The following ARHGEF7 variants were observed in gnomAD, a reference collection of about 807,000 sequenced individuals.
The protein encoded by ARHGEF7 is Rho guanine nucleotide exchange factor 7, also known as PAK-interacting exchange factor beta.
Under a neutral mutation model 109.8 loss-of-function variants are expected in ARHGEF7, and 33 were observed. The observed-to-expected ratio is 0.30, with a 90% CI of 0.23 to 0.40. The LOEUF is 0.40. Ranked by LOEUF, ARHGEF7 falls within the 10% of genes least tolerant of loss-of-function variation. ARHGEF7 has a pLI of 1.00. For synonymous variants in ARHGEF7, 458 were observed against 424.6 expected (o/e 1.08, Z -0.97); for missense variants, 938 against 1,098.5 (o/e 0.85, Z 2.07).
At position 111,273,766 on chromosome 13, in the gene ARHGEF7, G is replaced by C. The variant is rs1567036990; in HGVS notation, c.1074-48G>C. 6.2e-7 allele frequency: 1 copy of C among 1,607,286 alleles called. No homozygotes were observed. Among genetic ancestry groups the C allele is most frequent in the Admixed American group, 1.7e-5 (1 of 59,904 alleles). On this transcript the variant is annotated intron_variant, in intron 9 of 21. Coordinates refer to ENST00000646102, the MANE Select transcript of ARHGEF7 (RefSeq NM_001354046.2). The surrounding 1 kb of genome is among the most constrained non-coding windows in gnomAD (Gnocchi z 4.5). The stretch of plus-strand genomic sequence containing the variant: ...TCATGGAGATGAGAGAGCCACCATT[G>C]TCTCTCATTGCTAACCACGAGTGTC...
At chr13:111,229,604 C>T (rs553836794) in intron 5 of ARHGEF7, among the ~76,000 whole-genome samples, 1 of 152,278 alleles carries the variant, frequency 6.6e-6, no homozygotes, top group Admixed American at 6.5e-5. Flanking sequence ...CCTTTATATG[C>T]CACATCCACT....
chr13:111,271,734 G>A (rs538296104), intron 9 of ARHGEF7, among the ~76,000 whole-genome samples: 6 of 152,322 alleles, frequency 3.9e-5, no homozygotes, highest in African/African-American at 1.2e-4. Context: ...GCATCAACAC[G>A]ATGGGCAGCC....
intron 19 of ARHGEF7, among the ~76,000 whole-genome samples, chr13:111,299,836 A>T (rs2093521974): frequency 6.6e-6 from 1 of 152,190 alleles, no homozygotes; most frequent in Non-Finnish European, 1.5e-5. Flanking sequence ...TGTCTCCAAC[A>T]TGAGTGTCCC....
At chr13:111,251,142 A>G (rs944112888) in intron 8 of ARHGEF7, among the ~76,000 whole-genome samples, 1 of 152,162 alleles carries the variant, frequency 6.6e-6, no homozygotes, top group African/African-American at 2.4e-5. Flanking sequence ...CTAGGGGCCG[A>G]CCCAGAGTTA....
chr13:111,214,569 G>C (rs1328403964), intron 4 of ARHGEF7, among the ~76,000 whole-genome samples: 2 of 152,226 alleles, frequency 1.3e-5, no homozygotes, highest in African/African-American at 4.8e-5. Context: ...AAGAGAACTT[G>C]ACATAGCACA....
At chr13:111,132,108 A>G (rs1327489555) in intron 1 of ARHGEF7, among the ~76,000 whole-genome samples, 1 of 152,236 alleles carries the variant, frequency 6.6e-6, no homozygotes, top group African/African-American at 2.4e-5. Flanking sequence ...AGTGAGGGTC[A>G]GCGTGTTTTT....
In ARHGEF7 at chr13:111,239,837, C is replaced by G. The variant is rs1230935318; in HGVS notation, c.760-4035C>G. Among the ~76,000 whole-genome samples the G allele has an allele frequency of 6.6e-6, 1 of 152,070 alleles. No homozygotes were observed. Among genetic ancestry groups the G allele is most frequent in the Non-Finnish European group, 1.5e-5 (1 of 68,022 alleles). Reference sequence around the variant, plus strand: ...CAGGTAGGCACTAGTGGAATGCTGACACGGAGAGGAGCTCAGTGTTTGGGA... The same window carrying G: ...CAGGTAGGCACTAGTGGAATGCTGAGACGGAGAGGAGCTCAGTGTTTGGGA... On this transcript the variant is annotated intron_variant, in intron 6 of 21. Transcript: ENST00000646102. The surrounding 1 kb of genome is among the most constrained non-coding windows in gnomAD (Gnocchi z 4.3).
intron 2 of ARHGEF7, among the ~76,000 whole-genome samples, chr13:111,174,629 A>G: frequency 6.6e-6 from 1 of 152,138 alleles, no homozygotes; most frequent in East Asian, 1.9e-4. Context: ...TTTTGAGTTC[A>G]TTGTCTTGCC....
intron 16 of ARHGEF7, among the ~76,000 whole-genome samples, chr13:111,285,502 G>A (rs529973956): frequency 5.9e-4 from 90 of 152,208 alleles, no homozygotes; most frequent in African/African-American, 2.0e-3. Flanking sequence ...CGTCTTCTGT[G>A]CTTGTTTGAA....
intron 5 of ARHGEF7, among the ~76,000 whole-genome samples, chr13:111,221,771 G>T (rs1423302070): frequency 6.7e-6 from 1 of 150,362 alleles, no homozygotes; most frequent in Non-Finnish European, 1.5e-5. Context: ...TATTACTTCT[G>T]TCCCTCTAAA....
intron 2 of ARHGEF7, among the ~76,000 whole-genome samples, chr13:111,178,888 G>A (rs1301143979): frequency 6.6e-6 from 1 of 152,218 alleles, no homozygotes; most frequent in Non-Finnish European, 1.5e-5. Flanking sequence ...CAGATGATGA[G>A]TGAAATGCTT....
In ARHGEF7 at chr13:111,228,422, C is replaced by T. The variant is rs2085518507; in HGVS notation, c.671-4783C>T. Among the ~76,000 whole-genome samples, 1 of 152,132 alleles carries T rather than the reference C, an allele frequency of 6.6e-6. No individual in the cohort carries two copies. Among genetic ancestry groups the T allele is most frequent in the South Asian group, 2.1e-4 (1 of 4,826 alleles). On this transcript the variant is annotated intron_variant, in intron 5 of 21. Coordinates refer to ENST00000646102, the MANE Select transcript of ARHGEF7 (RefSeq NM_001354046.2). The surrounding 1 kb of genome is among the most constrained non-coding windows in gnomAD (Gnocchi z 4.6). ...TGAAGTGTTGGTGAGTGGAGATGAC[C>T]TCATCTCTGAGACTTGCTGATGGTG...
intron 19 of ARHGEF7, among the ~76,000 whole-genome samples, chr13:111,297,257 G>A (rs932690133): frequency 6.6e-6 from 1 of 152,304 alleles, no homozygotes; most frequent in East Asian, 1.9e-4. Flanking sequence ...ATTTCTAGGC[G>A]TGTTAATAAT....
chr13:111,293,970 G>C, intron 19 of ARHGEF7: 1 of 985,390 alleles, frequency 1.0e-6, no homozygotes, highest in Non-Finnish European at 1.2e-6. Context: ...ACAAGCTAAT[G>C]GCACAGGAGA....
At chr13:111,174,173 C>G (rs556369953) in intron 2 of ARHGEF7, among the ~76,000 whole-genome samples, 3 of 152,154 alleles carry the variant, frequency 2.0e-5, no homozygotes, top group Non-Finnish European at 4.4e-5. Flanking sequence ...TATTTAAAAT[C>G]TAGGTAATAT....
intron 1 of ARHGEF7, among the ~76,000 whole-genome samples, chr13:111,142,508 T>A (rs2075393756): frequency 6.7e-6 from 1 of 148,462 alleles, no homozygotes; most frequent in African/African-American, 2.5e-5. Context: ...GAGTTTTGGG[T>A]AATAATGATC....
chr13:111,241,412 C>A, intron 6 of ARHGEF7: 2 of 1,480,322 alleles, frequency 1.4e-6, no homozygotes, highest in Non-Finnish European at 1.8e-6. Context: ...GGCACCCCAG[C>A]TGGAGTCAGG....
At chr13:111,152,377 A>C (rs919765396) in intron 1 of ARHGEF7, among the ~76,000 whole-genome samples, 2 of 152,258 alleles carry the variant, frequency 1.3e-5, no homozygotes, top group Admixed American at 6.5e-5. Flanking sequence ...TTACCTAGAT[A>C]TGTGATAATT....
rs1024948937 is a variant in ARHGEF7, at chr13:111,239,678, G to A, written c.760-4194G>A. 6.6e-6 allele frequency among the ~76,000 whole-genome samples: 1 copy of A among 152,054 alleles called. No individual in the cohort carries two copies. Among genetic ancestry groups the A allele is most frequent in the Non-Finnish European group, 1.5e-5 (1 of 68,026 alleles). On this transcript the variant is annotated intron_variant, in intron 6 of 21. Transcript: ENST00000646102. The surrounding 1 kb of genome is among the most constrained non-coding windows in gnomAD (Gnocchi z 4.3). ...TGAGGGGCCCTGAGGTATCAGGGAG[G>A]GTGTGCAGCTTGTGGGATCCCCTCT...
Sources: gnomAD v4.1 joint callset for allele counts (sites outside exome capture counted in the v4.1 genomes callset) on GRCh38, gnomAD v4.1.1 for gene constraint, Gnocchi (gnomAD v3.1) non-coding constraint, MANE v1.5 for transcripts, NCBI Gene and HGNC (gene_info 2026-07-23, HGNC 2026-07-21) for gene names.